MYO18B: variants seen among roughly 807,000 people sequenced by gnomAD.
MYO18B encodes myosin XVIIIB.
In MYO18B, 204 loss-of-function variants were observed where a neutral mutation model predicts 273.0. The observed-to-expected ratio is 0.75, with a 90% CI of 0.67 to 0.84. MYO18B has a LOEUF of 0.84. Ranked by LOEUF, MYO18B falls within the 40% of genes least tolerant of loss-of-function variation. The probability of loss-of-function intolerance (pLI) is 0.00; values close to 1 mark genes in which losing one functional copy is unlikely to be tolerated. For synonymous variants in MYO18B, 1,330 were observed against 1,305.7 expected, an observed-to-expected ratio of 1.02 and a Z score of -0.40; for missense variants, 3,212 against 3,287.6, an observed-to-expected ratio of 0.98 and a Z score of 0.56.
At chr22:25,746,194 A>G (rs1364721730) in intron 1 of MYO18B, among the ~76,000 whole-genome samples, 1 of 152,202 alleles carries the variant, frequency 6.6e-6, no homozygotes, top group Non-Finnish European at 1.5e-5. Flanking sequence ...CAAGGCAGGT[A>G]GTGATATAGT....
chr22:26,028,944 G>A (rs1360492024), intron 43 of MYO18B, among the ~76,000 whole-genome samples: 1 of 151,536 alleles, frequency 6.6e-6, no homozygotes, highest in African/African-American at 2.4e-5. Context: ...TTATTGAGAG[G>A]ACACATCAGA....
chr22:25,782,037 G>A (rs950619204), intron 10 of MYO18B, among the ~76,000 whole-genome samples: 3 of 151,558 alleles, frequency 2.0e-5, no homozygotes, highest in Admixed American at 1.3e-4. Flanking sequence ...ACCCTGAGCC[G>A]CGGTTTCTTC....
At chr22:25,911,834 G>A (rs35196700) in intron 33 of MYO18B, among the ~76,000 whole-genome samples, 1,964 of 152,260 alleles carry the variant, frequency 0.013, 16 homozygotes, top group East Asian at 0.032. Flanking sequence ...GGCAGCTTCC[G>A]ATTTCAGAGT....
intron 7 of MYO18B, among the ~76,000 whole-genome samples, chr22:25,774,122 C>T (rs747649345): frequency 7.2e-5 from 11 of 152,160 alleles, no homozygotes; most frequent in Non-Finnish European, 1.3e-4. Flanking sequence ...AAATCCATCC[C>T]TAGTCCCTGA....
In MYO18B at chr22:26,026,518, G is replaced by A. The variant is rs1483079645; in HGVS notation, c.6544G>A (p.Val2182Ile). The part of the protein sequence containing the change: ...LALSRARSTN[V>I]HSKTSGDKPV... The stretch of plus-strand genomic sequence containing the variant: ...ACTGAGCAGAGCCCGGTCCACCAAT[G>A]TCCACAGCAAGACCTCAGGAGACAA... The change falls in exon 43 of 44, where the codon GTC (valine) becomes ATC (isoleucine). Residue 2182 changes from valine to isoleucine, a missense_variant. By Grantham distance (29) the Val-to-Ile change is conservative (BLOSUM62 3). Transcript: ENST00000335473. 2.5e-6 allele frequency: 4 copies of A among 1,613,904 alleles called. No homozygotes were observed. Among genetic ancestry groups the A allele is most frequent in the Admixed American group, 3.3e-5 (2 of 60,022 alleles).
chr22:25,979,338 G>T (rs948428368), intron 39 of MYO18B, among the ~76,000 whole-genome samples: 18 of 152,198 alleles, frequency 1.2e-4, no homozygotes, highest in Admixed American at 7.8e-4. Flanking sequence ...TTGCAGTTGA[G>T]ACTTAATTAT....
In MYO18B at chr22:25,997,304, CCAAAAA is replaced by C. The variant is rs1361537715; in HGVS notation, c.6287+4812_6287+4817del. Among the ~76,000 whole-genome samples the C allele has an allele frequency of 3.1e-4, 7 of 22,564 alleles. 1 individual carries two copies. The highest frequency in any genetic ancestry group is 1.7e-3 in the African/African-American group (6 of 3,630). 14.8% of individuals were successfully genotyped at this position (22,564 alleles called of 152,430 possible). A position where few individuals can be genotyped will look rare whatever the true frequency, so the allele number is the denominator to read the frequency against. On this transcript the variant is annotated intron_variant, in intron 40 of 43. Transcript: ENST00000335473. ...TGGGCAACAGAGTGAAACTCTGTCGCCAAAAAAAAAAAAAAAAAAAAAAAAACGAAG... is the reference window on the plus strand; with the variant it reads ...TGGGCAACAGAGTGAAACTCTGTCGCAAAAAAAAAAAAAAAAAAAACGAAG...
chr22:25,829,219 G>T (rs2089611949), intron 15 of MYO18B, among the ~76,000 whole-genome samples: 1 of 152,192 alleles, frequency 6.6e-6, no homozygotes, highest in Non-Finnish European at 1.5e-5. Flanking sequence ...CCCAGTCCTT[G>T]CTTCCACGGC....
rs1491071310 is a variant in MYO18B, at chr22:25,761,340, ACG to A, written c.39+211_39+212del. Among the ~76,000 whole-genome samples the A allele has an allele frequency of 2.5e-4, 25 of 98,286 alleles. 1 individual carries two copies. In the South Asian group the frequency reaches 5.3e-3, roughly 21 times the overall value. The allele number at this position is 98,286 out of a possible 152,430, so 64.5% of individuals were successfully genotyped here. On this transcript the variant is annotated intron_variant, in intron 2 of 43. Transcript: ENST00000335473. ...CTGGACACTGATGGCCATACCCTTG[ACG>A]CCCCCCCGAGGGCTGCCTGGTTGTT...
intron 32 of MYO18B, among the ~76,000 whole-genome samples, chr22:25,910,561 T>A (rs753051041): frequency 2.6e-5 from 4 of 152,184 alleles, no homozygotes; most frequent in Non-Finnish European, 4.4e-5. Flanking sequence ...TATTTAATAA[T>A]GGAGGGGATG....
intron 39 of MYO18B, among the ~76,000 whole-genome samples, chr22:25,991,821 G>T (rs1367610643): frequency 1.3e-5 from 2 of 152,176 alleles, no homozygotes; most frequent in Non-Finnish European, 2.9e-5. Flanking sequence ...TGCCCATCGC[G>T]CTTGCCTGTT....
chr22:26,005,226 A>T (rs1194850525), intron 42 of MYO18B, among the ~76,000 whole-genome samples: 1 of 152,220 alleles, frequency 6.6e-6, no homozygotes, highest in Non-Finnish European at 1.5e-5. Context: ...AAGGCACATC[A>T]TACTCTTTTT....
At position 25,790,309 on chromosome 22, in the gene MYO18B, C is replaced by T. The variant is rs895543443; in HGVS notation, c.2376+4818C>T. Among the ~76,000 whole-genome samples the T allele has an allele frequency of 6.6e-5, 10 of 152,300 alleles. No homozygotes were observed. In the East Asian group the frequency reaches 1.9e-3, roughly 29 times the overall value. On this transcript the variant is annotated intron_variant, in intron 11 of 43. Transcript: ENST00000335473. ...TACTTTAAGTTTTAGGGTACATGTG[C>T]ACAACGCGCAGGTTAGTTACATACA...
At chr22:26,009,831 C>G (rs979962301) in intron 42 of MYO18B, among the ~76,000 whole-genome samples, 7 of 152,166 alleles carry the variant, frequency 4.6e-5, no homozygotes, top group Non-Finnish European at 1.0e-4. Flanking sequence ...GGCAATTCTC[C>G]TTTTGTGATT....
At chr22:25,979,107 C>A (rs6004859) in intron 39 of MYO18B, among the ~76,000 whole-genome samples, 26,527 of 152,210 alleles carry the variant, frequency 0.17, 3,671 homozygotes, top group African/African-American at 0.39. Context: ...TCCCACGCTA[C>A]ACTTCTTTGG....
rs1323744442 is a variant in MYO18B at position 25,772,339 on chromosome 22, C to T, written c.1698C>T (p.Asn566=). The change falls in exon 7 of 44, where the codon AAC becomes AAT. Residue 566 remains asparagine (N), a synonymous_variant. Coordinates refer to ENST00000335473, the MANE Select transcript of MYO18B (RefSeq NM_032608.7). The part of the protein sequence containing the change: ...EVDEEHVHRA[N]PPELDQVEDL... Reference sequence around the variant, plus strand: ...TCTGTGTGATGGTTTCACAGGCCAACCCTCCTGAGCTGGACCAGGTCGAGG... The same window carrying T: ...TCTGTGTGATGGTTTCACAGGCCAATCCTCCTGAGCTGGACCAGGTCGAGG... 1.9e-6 allele frequency: 3 copies of T among 1,613,190 alleles called. No homozygotes were observed. Among genetic ancestry groups the T allele is most frequent in the Non-Finnish European group, 1.7e-6 (2 of 1,179,500 alleles).
chr22:25,906,147 A>G (rs1402853734), intron 31 of MYO18B, among the ~76,000 whole-genome samples: 1 of 152,200 alleles, frequency 6.6e-6, no homozygotes, highest in East Asian at 1.9e-4. Context: ...CTCAGGCTGC[A>G]TTGTGCCCTT....
chr22:25,762,984 A>G (rs1601617765), intron 2 of MYO18B: 2 of 671,642 alleles, frequency 3.0e-6, no homozygotes, highest in East Asian at 3.2e-5. Context: ...AGGAGAGTGG[A>G]TCCAGGCAGA....
At position 25,996,264 on chromosome 22, in the gene MYO18B, C is replaced by T. The variant is rs370868716; in HGVS notation, c.6287+3771C>T. ...CACATTACCTTGCACATAGTAGGGG[C>T]TCAACGAGAATCATCATCAATTGCA... On this transcript the variant is annotated intron_variant, in intron 40 of 43. Transcript: ENST00000335473. Among the ~76,000 whole-genome samples, 5 of 147,910 alleles carry T rather than the reference C, an allele frequency of 3.4e-5. No homozygotes were observed. The East Asian group carries it at 7.8e-4, about 23-fold the overall frequency.
Sources: allele counts gnomAD v4.1 joint callset (sites outside exome capture counted in the v4.1 genomes callset), GRCh38; gene constraint gnomAD v4.1.1; transcripts MANE v1.5; gene names NCBI Gene and HGNC (gene_info 2026-07-23, HGNC 2026-07-21).